Variants in TMEM123 observed in about 807,000 individuals in gnomAD.
TMEM123 encodes transmembrane protein 123.
Under a neutral mutation model 19.7 loss-of-function variants are expected in TMEM123, and 16 were observed. The ratio of observed to expected loss-of-function variants is 0.81; its 90% CI spans 0.55 to 1.23. The LOEUF (loss-of-function observed/expected upper bound fraction) is 1.23, where lower values mean the gene tolerates loss of function less well. Among genes scored for constraint, TMEM123 ranks in the 50% most tolerant of loss-of-function variants. The pLI is 0.00. For synonymous variants in TMEM123, 118 were observed against 99.4 expected (o/e 1.19, Z -1.12); for missense variants, 313 against 257.8 (o/e 1.21, Z -1.47).
In TMEM123 at chr11:102,448,889, C is replaced by T. The variant is rs761514384; in HGVS notation, c.101-21G>A. On this transcript the variant is annotated intron_variant, in intron 1 of 4. Coordinates refer to ENST00000398136, the MANE Select transcript of TMEM123 (RefSeq NM_052932.3). ...AGATGCTGTAAAAATAAAGAAATATCCTGTTATGAAAGAACATTTAACTAA... is the reference window on the plus strand; with the variant it reads ...AGATGCTGTAAAAATAAAGAAATATTCTGTTATGAAAGAACATTTAACTAA... 4 of 1,611,860 alleles carry T rather than the reference C, an allele frequency of 2.5e-6. No individual in the cohort carries two copies. In the East Asian group the frequency reaches 6.7e-5, roughly 27 times the overall value.
intron 2 of TMEM123, among the ~76,000 whole-genome samples, chr11:102,407,972 G>A (rs1198574555): frequency 6.6e-6 from 1 of 152,182 alleles, no homozygotes; most frequent in Non-Finnish European, 1.5e-5. Flanking sequence ...ACTGGCACTA[G>A]TGATTCTATT....
chr11:102,448,280 G>C (rs955575999), intron 2 of TMEM123: 5 of 456,104 alleles, frequency 1.1e-5, no homozygotes, highest in African/African-American at 1.0e-4. Flanking sequence ...CCTGGTTCTT[G>C]CATCTTTCCA....
intron 2 of TMEM123, among the ~76,000 whole-genome samples, chr11:102,440,099 C>G (rs908423760): frequency 6.6e-6 from 1 of 152,102 alleles, no homozygotes; most frequent in Non-Finnish European, 1.5e-5. Context: ...TGACGGGGAG[C>G]GTGGAACCAA....
At chr11:102,433,539 A>C (rs1261805804) in intron 2 of TMEM123, among the ~76,000 whole-genome samples, 1 of 151,806 alleles carries the variant, frequency 6.6e-6, no homozygotes, top group African/African-American at 2.4e-5. Context: ...GGTGGAAGGG[A>C]CTTGCCTTAT....
At chr11:102,450,403 CTGTTAA>C (rs759497809) in intron 1 of TMEM123, among the ~76,000 whole-genome samples, 14 of 152,300 alleles carry the variant, frequency 9.2e-5, no homozygotes, top group East Asian at 1.9e-4. Context: ...CCCTCCCATC[CTGTTAA>C]TGTTAATGTC....
chr11:102,420,335 T>G (rs541385424), intron 2 of TMEM123, among the ~76,000 whole-genome samples: 8 of 152,336 alleles, frequency 5.3e-5, no homozygotes, highest in African/African-American at 1.9e-4. Context: ...TCTTTTACTG[T>G]CTAGGCATAG....
chr11:102,410,734 C>A (rs991991067), intron 2 of TMEM123, among the ~76,000 whole-genome samples: 19 of 152,094 alleles, frequency 1.2e-4, no homozygotes, highest in Admixed American at 1.0e-3. Context: ...CTTCTCTGTA[C>A]CGAGAACTAT....
chr11:102,402,405 G>A (rs1234759473), intron 2 of TMEM123, among the ~76,000 whole-genome samples, 199 bp from the exon 3 acceptor site: 1 of 151,276 alleles, frequency 6.6e-6, no homozygotes, highest in African/African-American at 2.4e-5. Flanking sequence ...CAGAAACCAA[G>A]TCTAAATTTA....
intron 2 of TMEM123, among the ~76,000 whole-genome samples, chr11:102,430,426 T>C (rs371728534): frequency 1.2e-4 from 18 of 152,316 alleles, no homozygotes; most frequent in East Asian, 3.9e-4. Context: ...ATTACATTAC[T>C]ATAAGCCAGT....
chr11:102,424,373 T>TG (rs1952109065), intron 2 of TMEM123, among the ~76,000 whole-genome samples: 1 of 152,224 alleles, frequency 6.6e-6, no homozygotes, highest in African/African-American at 2.4e-5. Context: ...GTACACTTAC[T>TG]GCCATTTTAC....
rs540326906 is a variant in TMEM123, at chr11:102,438,669, G to A, written c.157+10143C>T. On this transcript the variant is annotated intron_variant, in intron 2 of 4. Transcript: ENST00000398136. The stretch of plus-strand genomic sequence containing the variant: ...ACAGCTCCAGTCTACAGCTTCCAGT[G>A]TGAGCAATGCAGAAGATAGGTGGAT... Among the ~76,000 whole-genome samples, 13 of 152,368 alleles carry A rather than the reference G, an allele frequency of 8.5e-5. No homozygotes were observed. In the South Asian group the frequency reaches 2.7e-3, roughly 32 times the overall value.
intron 2 of TMEM123, among the ~76,000 whole-genome samples, chr11:102,415,718 A>G (rs1952039276): frequency 6.6e-6 from 1 of 152,182 alleles, no homozygotes. Flanking sequence ...CCACATGAAA[A>G]TGTTAGAAAG....
intron 2 of TMEM123, among the ~76,000 whole-genome samples, chr11:102,409,173 G>T (rs1394956445): frequency 6.6e-6 from 1 of 152,044 alleles, no homozygotes; most frequent in Non-Finnish European, 1.5e-5. Flanking sequence ...TTTTAAATGG[G>T]ACAGTAGCAG....
chr11:102,406,329 G>A (rs1206361942), intron 2 of TMEM123, among the ~76,000 whole-genome samples: 1 of 152,164 alleles, frequency 6.6e-6, no homozygotes, highest in African/African-American at 2.4e-5. Context: ...ACACCAGCCT[G>A]GGAAGGCTTC....
intron 2 of TMEM123, among the ~76,000 whole-genome samples, chr11:102,445,957 G>A (rs768942298): frequency 4.6e-5 from 7 of 152,128 alleles, no homozygotes; most frequent in Admixed American, 1.3e-4. Flanking sequence ...AGAGATAAAC[G>A]GCTTTGGAAA....
intron 2 of TMEM123, among the ~76,000 whole-genome samples, chr11:102,410,500 C>T (rs1434886065): frequency 1.7e-4 from 25 of 147,870 alleles, no homozygotes; most frequent in Admixed American, 2.7e-4. Flanking sequence ...CACAATAACC[C>T]CTGTTAGTTA....
At chr11:102,426,624 G>C (rs1352421006) in intron 2 of TMEM123, among the ~76,000 whole-genome samples, 1 of 152,038 alleles carries the variant, frequency 6.6e-6, no homozygotes. Context: ...AGTTATCTAA[G>C]AGCAATTTCT....
intron 2 of TMEM123, among the ~76,000 whole-genome samples, chr11:102,418,231 T>C (rs75000494): frequency 0.045 from 6,853 of 152,130 alleles, 215 homozygotes; most frequent in Non-Finnish European, 0.074. Flanking sequence ...AAAGAAACTA[T>C]CAACAAAGTA....
At chr11:102,437,801 G>C (rs1043162658) in intron 2 of TMEM123, among the ~76,000 whole-genome samples, 2 of 152,136 alleles carry the variant, frequency 1.3e-5, no homozygotes, top group African/African-American at 4.8e-5. Context: ...GGCCTGCTCT[G>C]TTTTTGATGG....
Sources: gnomAD v4.1 joint callset for allele counts (sites outside exome capture counted in the v4.1 genomes callset) on GRCh38, gnomAD v4.1.1 for gene constraint, MANE v1.5 for transcripts, NCBI Gene and HGNC (gene_info 2026-07-23, HGNC 2026-07-21) for gene names.